The following MGAT5 variants were observed in gnomAD, a reference collection of about 807,000 sequenced individuals.
MGAT5 encodes alpha-1,6-mannosylglycoprotein 6-beta-N-acetylglucosaminyltransferase, also known as alpha-1,6-mannosylglycoprotein 6-beta-N-acetylglucosaminyltransferase A.
A neutral mutation model predicts 94.3 loss-of-function variants in MGAT5; 30 were observed. That is an observed-to-expected ratio of 0.32 (90% CI 0.24 to 0.43). The LOEUF is 0.43. Among genes scored for constraint, MGAT5 ranks in the 20% least tolerant of loss-of-function variants. The pLI, the probability that MGAT5 is intolerant of heterozygous loss-of-function variation, is 1.00. For missense variants in MGAT5, 691 were observed against 905.5 expected (o/e 0.76, Z 3.04); for synonymous variants, 310 against 322.9 (o/e 0.96, Z 0.43).
intron 10 of MGAT5, among the ~76,000 whole-genome samples, chr2:134,398,191 G>C (rs1428039923): frequency 6.6e-6 from 1 of 152,190 alleles, no homozygotes; most frequent in African/African-American, 2.4e-5. Flanking sequence ...ATCTGAAGTT[G>C]AAAATTCTCC....
intron 1 of MGAT5, chr2:134,127,322 T>G (rs1402731838): frequency 6.5e-6 from 1 of 154,432 alleles, no homozygotes; most frequent in Non-Finnish European, 1.5e-5. Flanking sequence ...TTCCTTTATT[T>G]GATTTTTAGC....
intron 1 of MGAT5, among the ~76,000 whole-genome samples, chr2:134,142,952 G>C (rs971431933): frequency 2.0e-5 from 3 of 151,670 alleles, no homozygotes; most frequent in African/African-American, 7.3e-5. Flanking sequence ...TGATAGAATT[G>C]CTCAAAGGTT....
chr2:134,388,642 A>G (rs1274857390), intron 10 of MGAT5, among the ~76,000 whole-genome samples: 1 of 152,002 alleles, frequency 6.6e-6, no homozygotes, highest in Middle Eastern at 3.2e-3. Context: ...CAGGTTATTT[A>G]TCCTGTAGAG....
chr2:134,191,989 G>T (rs1365696152), intron 1 of MGAT5, among the ~76,000 whole-genome samples: 1 of 148,142 alleles, frequency 6.8e-6, no homozygotes, highest in Non-Finnish European at 1.5e-5. Flanking sequence ...CCTGATGGTA[G>T]GGTGGGTTCG....
intron 1 of MGAT5, among the ~76,000 whole-genome samples, chr2:134,123,441 G>A (rs1408521020): frequency 6.6e-6 from 1 of 152,218 alleles, no homozygotes; most frequent in Non-Finnish European, 1.5e-5. Context: ...GGGTTGGAAA[G>A]TTTATGTCCT....
At chr2:134,170,932 C>A (rs760694141) in intron 1 of MGAT5, among the ~76,000 whole-genome samples, 1 of 151,166 alleles carries the variant, frequency 6.6e-6, no homozygotes, top group African/African-American at 2.4e-5. Context: ...AATTTCGGCT[C>A]ACTGTAACCT....
intron 1 of MGAT5, among the ~76,000 whole-genome samples, chr2:134,185,227 A>G (rs6717797): frequency 0.26 from 40,258 of 152,042 alleles, 7,155 homozygotes; most frequent in African/African-American, 0.49. Context: ...AGTCCTTAAG[A>G]GCAGAGCCTC....
At chr2:134,347,605 A>G (rs1389999157) in intron 8 of MGAT5, among the ~76,000 whole-genome samples, 3 of 152,226 alleles carry the variant, frequency 2.0e-5, no homozygotes, top group Non-Finnish European at 2.9e-5. Flanking sequence ...AAAGATAACA[A>G]TACAATAATA....
At position 134,448,767 on chromosome 2, in the gene MGAT5, G is replaced by A. The variant is rs200390028; in HGVS notation, c.2146G>A (p.Ala716Thr). The A allele has an allele frequency of 1.2e-4, 194 of 1,614,168 alleles. 4 individuals are homozygous for A. The highest frequency in any genetic ancestry group is 9.5e-4 in the African/African-American group (71 of 75,034). The change falls in exon 16 of 16, where the codon GCC (alanine) becomes ACC (threonine). Residue 716 changes from alanine to threonine, a missense_variant. Around this residue, in one of 4 missense-constraint regions of MGAT5, gnomAD observed 260 missense variants for 347.0 expected, o/e 0.75. Transcript: ENST00000281923. ...CCTCCTGCTCTTCAGCTGTGCAGGC[G>A]CCCACCCCAGGCACCAGAGGGTCTG... ...GDLLLFSCAGAHPRHQRVCPC... is the reference protein window; with the variant it reads ...GDLLLFSCAGTHPRHQRVCPC...
At chr2:134,245,420 C>G (rs1227597890) in intron 1 of MGAT5, among the ~76,000 whole-genome samples, 2 of 152,212 alleles carry the variant, frequency 1.3e-5, no homozygotes, top group African/African-American at 4.8e-5. Context: ...ATGTGAAGAT[C>G]TTATCTGCTC....
chr2:134,229,665 G>A (rs555117171), intron 1 of MGAT5, among the ~76,000 whole-genome samples: 2 of 152,182 alleles, frequency 1.3e-5, no homozygotes, highest in Non-Finnish European at 2.9e-5. Flanking sequence ...AGACATGGAT[G>A]AAATCATCTT....
intron 1 of MGAT5, among the ~76,000 whole-genome samples, chr2:134,229,827 A>G (rs1249757332): frequency 6.6e-6 from 1 of 152,226 alleles, no homozygotes; most frequent in African/African-American, 2.4e-5. Context: ...AGTGACAAAG[A>G]CAGATGAGCC....
intron 1 of MGAT5, among the ~76,000 whole-genome samples, chr2:134,172,732 C>T (rs1197410237): frequency 6.6e-6 from 1 of 152,196 alleles, no homozygotes; most frequent in Non-Finnish European, 1.5e-5. Context: ...CACTTAAACC[C>T]ACTGCCTAAG....
intron 1 of MGAT5, among the ~76,000 whole-genome samples, chr2:134,176,521 C>T (rs1281147947): frequency 2.1e-5 from 3 of 140,180 alleles, no homozygotes; most frequent in East Asian, 2.1e-4. Context: ...TGCAGTGAGC[C>T]GAGATCACAC....
chr2:134,209,640 C>CA (rs1271071498), intron 1 of MGAT5, among the ~76,000 whole-genome samples: 3 of 1,514 alleles, frequency 2.0e-3, no homozygotes, highest in African/African-American at 8.6e-3. Context: ...AATAATGCCG[C>CA]AATAAACATA....
At chr2:134,333,602 A>T (rs980484780) in intron 4 of MGAT5, among the ~76,000 whole-genome samples, 11 of 152,050 alleles carry the variant, frequency 7.2e-5, no homozygotes, top group Admixed American at 2.6e-4. Flanking sequence ...AAAATAAAAA[A>T]AAAGAAGGTG....
intron 15 of MGAT5, among the ~76,000 whole-genome samples, chr2:134,443,177 GTT>G (rs369089887): frequency 3.5e-5 from 3 of 85,760 alleles, no homozygotes; most frequent in African/African-American, 9.1e-5. Context: ...TGTAAGCTAT[GTT>G]TTTTTTTGTT....
At chr2:134,177,294 T>C (rs1001353096) in intron 1 of MGAT5, among the ~76,000 whole-genome samples, 1 of 152,204 alleles carries the variant, frequency 6.6e-6, no homozygotes, top group Non-Finnish European at 1.5e-5. Context: ...ACCCAGGCTT[T>C]AGGCCTTGAC....
intron 4 of MGAT5, among the ~76,000 whole-genome samples, chr2:134,332,181 C>G (rs1688014045): frequency 6.6e-6 from 1 of 152,070 alleles, no homozygotes; most frequent in African/African-American, 2.4e-5. Flanking sequence ...TACCTGACTT[C>G]AAACTATACT....
Sources: gnomAD v4.1 joint callset for allele counts (sites outside exome capture counted in the v4.1 genomes callset) on GRCh38, gnomAD v4.1.1 for gene constraint, gnomAD v4.1.1 regional missense constraint, MANE v1.5 for transcripts, NCBI Gene and HGNC (gene_info 2026-07-23, HGNC 2026-07-21) for gene names.